B3GALT1: variants seen among roughly 807,000 people sequenced by gnomAD.
The protein encoded by B3GALT1 is UDP-Gal:betaGlcNAc beta 1,3-galactosyltransferase, polypeptide 1.
B3GALT1 carries 10 observed loss-of-function variants against 23.2 expected under a neutral mutation model. The ratio of observed to expected loss-of-function variants is 0.43; its 90% CI spans 0.27 to 0.73. The LOEUF (loss-of-function observed/expected upper bound fraction) is 0.73. Ranked by LOEUF, B3GALT1 falls within the 30% of genes least tolerant of loss-of-function variation. The pLI, the probability that B3GALT1 is intolerant of heterozygous loss-of-function variation, is 0.21. For missense variants in B3GALT1, 299 were observed against 405.4 expected (o/e 0.74, Z 2.25); for synonymous variants, 156 against 141.5 (o/e 1.10, Z -0.73).
At chr2:167,774,887 A>G (rs948626036) in intron 3 of B3GALT1, among the ~76,000 whole-genome samples, 3 of 152,214 alleles carry the variant, frequency 2.0e-5, no homozygotes, top group Non-Finnish European at 4.4e-5. Flanking sequence ...ACTCACTAAC[A>G]ATCAAAGGAA....
intron 1 of B3GALT1, among the ~76,000 whole-genome samples, chr2:167,326,705 G>A (rs189600276): frequency 1.5e-3 from 230 of 151,184 alleles, no homozygotes; most frequent in African/African-American, 4.9e-3. Flanking sequence ...TTTATTTATT[G>A]TAGAGACACA....
chr2:167,477,784 T>C (rs1229179815), intron 1 of B3GALT1, among the ~76,000 whole-genome samples: 1 of 152,222 alleles, frequency 6.6e-6, no homozygotes, highest in African/African-American at 2.4e-5. Context: ...TTTAAAGACA[T>C]CATTTCTCCT....
At chr2:167,436,514 C>G (rs916404291) in intron 1 of B3GALT1, among the ~76,000 whole-genome samples, 1 of 152,134 alleles carries the variant, frequency 6.6e-6, no homozygotes, top group Non-Finnish European at 1.5e-5. Context: ...CTGTTAGTTA[C>G]CACCTGAAAC....
rs762039306 is a variant in B3GALT1, at chr2:167,346,634, G to A, written c.-511+53300G>A. Among the ~76,000 whole-genome samples, 5 of 152,070 alleles carry A rather than the reference G, an allele frequency of 3.3e-5. No homozygotes were observed. The East Asian group carries it at 5.8e-4, about 18-fold the overall frequency. ...ACAGGAAAGAAATATTACAGTTATCGTAAGTTGGATTCAGTATCTTGAGGG... is the reference window on the plus strand; with the variant it reads ...ACAGGAAAGAAATATTACAGTTATCATAAGTTGGATTCAGTATCTTGAGGG... On this transcript the variant is annotated intron_variant, in intron 1 of 4. Transcript: ENST00000392690.
intron 3 of B3GALT1, among the ~76,000 whole-genome samples, chr2:167,784,977 G>A (rs1310537552): frequency 6.6e-6 from 1 of 152,128 alleles, no homozygotes; most frequent in Non-Finnish European, 1.5e-5. Flanking sequence ...ACTTTGGCAT[G>A]GAAAGCATTG....
intron 3 of B3GALT1, among the ~76,000 whole-genome samples, chr2:167,686,692 C>T (rs1455242096): frequency 6.6e-6 from 1 of 152,190 alleles, no homozygotes; most frequent in Non-Finnish European, 1.5e-5. Flanking sequence ...CTATTTCGTG[C>T]TCATGCCAAC....
chr2:167,445,833 T>G (rs1698978672), intron 1 of B3GALT1, among the ~76,000 whole-genome samples: 2 of 152,222 alleles, frequency 1.3e-5, no homozygotes, highest in Non-Finnish European at 2.9e-5. Flanking sequence ...CCAGTGTGTG[T>G]CTTTTAATTG....
rs185806790 is a variant in B3GALT1, at chr2:167,295,859, A to C, written c.-511+2525A>C. On this transcript the variant is annotated intron_variant, in intron 1 of 4. Transcript: ENST00000392690. Reference sequence around the variant, plus strand: ...TAGATAATTTTAAAACGAGTAGGACAAATATAATCAAGTACAGAGAATTGT... The same window carrying C: ...TAGATAATTTTAAAACGAGTAGGACCAATATAATCAAGTACAGAGAATTGT... 9.2e-5 allele frequency among the ~76,000 whole-genome samples: 14 copies of C among 152,300 alleles called. No individual in the cohort carries two copies. The East Asian group carries it at 2.7e-3, about 29-fold the overall frequency.
chr2:167,854,001 A>G (rs1218793470), intron 4 of B3GALT1, among the ~76,000 whole-genome samples: 3 of 152,174 alleles, frequency 2.0e-5, no homozygotes, highest in Non-Finnish European at 4.4e-5. Context: ...ATCATCTTCA[A>G]TTCAAAGTGC....
At chr2:167,752,674 T>G (rs960561549) in intron 3 of B3GALT1, among the ~76,000 whole-genome samples, 4 of 146,666 alleles carry the variant, frequency 2.7e-5, no homozygotes, top group African/African-American at 7.6e-5. Flanking sequence ...TGCACTCGGA[T>G]TCTTAGAAAT....
intron 1 of B3GALT1, among the ~76,000 whole-genome samples, chr2:167,352,120 C>T (rs78511016): frequency 6.0e-5 from 9 of 150,098 alleles, no homozygotes; most frequent in South Asian, 4.2e-4. Flanking sequence ...CCACCATACC[C>T]GGCTAATTTT....
In B3GALT1 at chr2:167,363,635, A is replaced by G. The variant is rs977761115; in HGVS notation, c.-511+70301A>G. 5.7e-4 allele frequency among the ~76,000 whole-genome samples: 86 copies of G among 152,040 alleles called. 4 individuals are homozygous for G. Among genetic ancestry groups the G allele is most frequent in the Non-Finnish European group, 7.4e-5 (5 of 68,022 alleles). On this transcript the variant is annotated intron_variant, in intron 1 of 4. Coordinates refer to ENST00000392690, the MANE Select transcript of B3GALT1 (RefSeq NM_020981.4). ...ACGAGAGGAACTTAAACATCTGTGG[A>G]ACCAAATTAAGGTACATTTTCCCAC... is the stretch of plus-strand genomic sequence containing the variant.
chr2:167,361,839 C>G (rs565300944), intron 1 of B3GALT1, among the ~76,000 whole-genome samples: 2 of 152,080 alleles, frequency 1.3e-5, no homozygotes, highest in South Asian at 2.1e-4. Flanking sequence ...TTTGGGAGAC[C>G]GAGACGGGTG....
At chr2:167,802,989 GC>G (rs1406666756) in intron 3 of B3GALT1, among the ~76,000 whole-genome samples, 1 of 151,822 alleles carries the variant, frequency 6.6e-6, no homozygotes, top group Non-Finnish European at 1.5e-5. Flanking sequence ...TATTTAGGCT[GC>G]AAAAAATGAT....
intron 2 of B3GALT1, among the ~76,000 whole-genome samples, chr2:167,582,111 T>C (rs184161618): frequency 1.3e-5 from 2 of 151,652 alleles, no homozygotes; most frequent in East Asian, 3.9e-4. Flanking sequence ...TCCCAGATTA[T>C]AGAAACTGAT....
chr2:167,771,405 C>T (rs908038399), intron 3 of B3GALT1, among the ~76,000 whole-genome samples: 1 of 152,148 alleles, frequency 6.6e-6, no homozygotes, highest in Non-Finnish European at 1.5e-5. Flanking sequence ...GCCTGGCCAA[C>T]ATGGTGAAAC....
intron 1 of B3GALT1, among the ~76,000 whole-genome samples, chr2:167,367,757 C>T (rs761865429): frequency 9.9e-5 from 15 of 152,104 alleles, no homozygotes; most frequent in Non-Finnish European, 1.3e-4. Flanking sequence ...AAAAAGAAAA[C>T]ACCACCCTCT....
intron 3 of B3GALT1, among the ~76,000 whole-genome samples, chr2:167,650,573 T>C (rs1685845061): frequency 1.3e-5 from 2 of 152,016 alleles, no homozygotes; most frequent in African/African-American, 2.4e-5. Context: ...CTTCATTTTT[T>C]GGAAAAGTTT....
intron 3 of B3GALT1, among the ~76,000 whole-genome samples, chr2:167,687,290 A>T (rs1227932037): frequency 6.6e-6 from 1 of 152,230 alleles, no homozygotes; most frequent in Non-Finnish European, 1.5e-5. Flanking sequence ...CTAACATTTT[A>T]AACAAAAATT....
Sources: gnomAD v4.1 joint callset for allele counts (sites outside exome capture counted in the v4.1 genomes callset) on GRCh38, gnomAD v4.1.1 for gene constraint, MANE v1.5 for transcripts, NCBI Gene and HGNC (gene_info 2026-07-23, HGNC 2026-07-21) for gene names.